The following HS6ST3 variants were observed in gnomAD, a reference collection of about 807,000 sequenced individuals.
The protein encoded by HS6ST3 is heparan-sulfate 6-O-sulfotransferase 3.
Under a neutral mutation model 36.7 loss-of-function variants are expected in HS6ST3, and 12 were observed. That is an observed-to-expected ratio of 0.33 (90% CI 0.21 to 0.53). The LOEUF (loss-of-function observed/expected upper bound fraction) is 0.53. Ranked by LOEUF, HS6ST3 falls within the 20% of genes least tolerant of loss-of-function variation. HS6ST3 has a pLI of 0.95. For missense variants in HS6ST3, 584 were observed against 640.9 expected (o/e 0.91, Z 0.96); for synonymous variants, 240 against 257.5 (o/e 0.93, Z 0.65).
intron 1 of HS6ST3, among the ~76,000 whole-genome samples, chr13:96,126,733 A>G (rs1245111674): frequency 2.0e-5 from 3 of 152,068 alleles, no homozygotes; most frequent in Non-Finnish European, 4.4e-5. Context: ...CTCTTTCATC[A>G]CTGTTGTTTA....
chr13:96,511,647 T>C (rs1203750859), intron 1 of HS6ST3, among the ~76,000 whole-genome samples: 1 of 151,596 alleles, frequency 6.6e-6, no homozygotes, highest in Non-Finnish European at 1.5e-5. Context: ...TGGTGTTAGA[T>C]TGTGAACATC....
At chr13:96,530,100 G>A (rs1168909330) in intron 1 of HS6ST3, among the ~76,000 whole-genome samples, 4 of 152,180 alleles carry the variant, frequency 2.6e-5, no homozygotes, top group African/African-American at 9.6e-5. Context: ...GAAAAAGAGT[G>A]ACCAAAATCA....
intron 1 of HS6ST3, among the ~76,000 whole-genome samples, chr13:96,564,385 A>G (rs1409448360): frequency 1.3e-5 from 2 of 152,188 alleles, no homozygotes; most frequent in Admixed American, 6.5e-5. Context: ...AAGTACTTTT[A>G]AAATACCAAA....
At chr13:96,637,067 G>A (rs2056552514) in intron 1 of HS6ST3, among the ~76,000 whole-genome samples, 1 of 152,012 alleles carries the variant, frequency 6.6e-6, no homozygotes, top group African/African-American at 2.4e-5. Flanking sequence ...ATTAATAGAA[G>A]AAGAAAAAAC....
intron 1 of HS6ST3, among the ~76,000 whole-genome samples, chr13:96,765,574 T>TGC (rs1566448166): frequency 3.5e-5 from 5 of 144,544 alleles, no homozygotes; most frequent in South Asian, 4.5e-4. Context: ...CAGAGATGTA[T>TGC]GCGCTCTCTC....
At chr13:96,414,983 T>A (rs1028207256) in intron 1 of HS6ST3, among the ~76,000 whole-genome samples, 2 of 152,214 alleles carry the variant, frequency 1.3e-5, no homozygotes, top group Non-Finnish European at 2.9e-5. Flanking sequence ...GAGATCATTT[T>A]AAAAGAATTC....
chr13:96,775,307 G>A (rs1185987714), intron 1 of HS6ST3, among the ~76,000 whole-genome samples: 1 of 151,602 alleles, frequency 6.6e-6, no homozygotes, highest in Non-Finnish European at 1.5e-5. Context: ...ACATCATAAT[G>A]ACACAATTGA....
chr13:96,388,133 A>T (rs370083672), intron 1 of HS6ST3, among the ~76,000 whole-genome samples: 10 of 152,366 alleles, frequency 6.6e-5, no homozygotes, highest in South Asian at 2.1e-4. Flanking sequence ...TTTTGGTCAC[A>T]TCCAAATTAG....
intron 1 of HS6ST3, among the ~76,000 whole-genome samples, chr13:96,286,710 G>GAT: frequency 6.6e-6 from 1 of 152,268 alleles, no homozygotes; most frequent in South Asian, 2.1e-4. Flanking sequence ...CCTGATGGGA[G>GAT]ATATGCTTGT....
chr13:96,538,143 C>T (rs768348701), intron 1 of HS6ST3, among the ~76,000 whole-genome samples: 2 of 151,968 alleles, frequency 1.3e-5, no homozygotes, highest in African/African-American at 2.4e-5. Flanking sequence ...CCTGAGGTCC[C>T]CTGTCCAGCA....
chr13:96,708,575 C>T (rs1479674957), intron 1 of HS6ST3, among the ~76,000 whole-genome samples: 1 of 152,290 alleles, frequency 6.6e-6, no homozygotes, highest in Non-Finnish European at 1.5e-5. Flanking sequence ...AGCCTCTGTC[C>T]TCTCCATACA....
At chr13:96,655,097 A>G (rs1416753325) in intron 1 of HS6ST3, among the ~76,000 whole-genome samples, 2 of 152,130 alleles carry the variant, frequency 1.3e-5, no homozygotes, top group Admixed American at 6.6e-5. Flanking sequence ...AGATCACCTG[A>G]GCCCTTAGGG....
intron 1 of HS6ST3, among the ~76,000 whole-genome samples, chr13:96,372,235 C>G (rs79044755): frequency 6.6e-6 from 1 of 152,132 alleles, no homozygotes; most frequent in Non-Finnish European, 1.5e-5. Flanking sequence ...CTGATGACTA[C>G]TGATGTTGAC....
chr13:96,624,609 A>T (rs2056505943), intron 1 of HS6ST3, among the ~76,000 whole-genome samples: 1 of 151,958 alleles, frequency 6.6e-6, no homozygotes, highest in Admixed American at 6.5e-5. Flanking sequence ...CTCCCTCCCA[A>T]CTTGTGTGGT....
At chr13:96,410,135 A>G (rs532529659) in intron 1 of HS6ST3, among the ~76,000 whole-genome samples, 34 of 152,324 alleles carry the variant, frequency 2.2e-4, no homozygotes, top group Non-Finnish European at 3.4e-4. Flanking sequence ...GACTACGCAA[A>G]TATTTACAGC....
intron 1 of HS6ST3, among the ~76,000 whole-genome samples, chr13:96,324,074 T>A (rs561193590): frequency 6.6e-6 from 1 of 152,252 alleles, no homozygotes; most frequent in Non-Finnish European, 1.5e-5. Context: ...CCCCTGTGCC[T>A]CCATGCTGGC....
chr13:96,315,558 G>A (rs1018650427), intron 1 of HS6ST3, among the ~76,000 whole-genome samples: 2 of 151,892 alleles, frequency 1.3e-5, no homozygotes, highest in Non-Finnish European at 2.9e-5. Context: ...TATATAGAAT[G>A]TTCCAAAGCT....
At chr13:96,542,869 C>T (rs965143086) in intron 1 of HS6ST3, among the ~76,000 whole-genome samples, 1 of 152,140 alleles carries the variant, frequency 6.6e-6, no homozygotes, top group African/African-American at 2.4e-5. Flanking sequence ...ATCTTTGTAG[C>T]CAAATGTGGT....
At chr13:96,687,812 A>G (rs918370245) in intron 1 of HS6ST3, among the ~76,000 whole-genome samples, 52 of 152,186 alleles carry the variant, frequency 3.4e-4, no homozygotes, top group Non-Finnish European at 6.3e-4. Flanking sequence ...AATAAGACAG[A>G]ATGACTGACA....
Sources: allele counts gnomAD v4.1 joint callset (sites outside exome capture counted in the v4.1 genomes callset), GRCh38; gene constraint gnomAD v4.1.1; transcripts MANE v1.5; gene names NCBI Gene and HGNC (gene_info 2026-07-23, HGNC 2026-07-21).